FSTL5: variants seen among roughly 807,000 people sequenced by gnomAD.
The protein encoded by FSTL5 is follistatin like 5.
FSTL5 carries 62 observed loss-of-function variants against 89.1 expected under a neutral mutation model. The ratio of observed to expected loss-of-function variants is 0.70; its 90% CI spans 0.57 to 0.86. FSTL5 has a LOEUF of 0.86. FSTL5 is among the 40% of genes least tolerant of loss of function. The pLI is 0.00. For synonymous variants in FSTL5, 383 were observed against 346.2 expected (o/e 1.11, Z -1.18); for missense variants, 1,057 against 1,001.6 (o/e 1.06, Z -0.75).
At chr4:161,648,414 G>C (rs1325097877) in intron 7 of FSTL5, among the ~76,000 whole-genome samples, 6 of 152,066 alleles carry the variant, frequency 3.9e-5, no homozygotes, top group Admixed American at 3.9e-4. Flanking sequence ...CAGCCCCATC[G>C]CACACCCTGT....
At chr4:161,585,184 T>C (rs1733564332) in intron 8 of FSTL5, among the ~76,000 whole-genome samples, 1 of 152,276 alleles carries the variant, frequency 6.6e-6, no homozygotes, top group East Asian at 1.9e-4. Context: ...AAGCCGGCAG[T>C]TTGGCTCAAA....
intron 12 of FSTL5, among the ~76,000 whole-genome samples, chr4:161,489,133 G>A (rs1156978480): frequency 1.3e-5 from 2 of 151,984 alleles, no homozygotes; most frequent in Non-Finnish European, 2.9e-5. Flanking sequence ...ACAACTGTAG[G>A]GTGTTAAATT....
At chr4:161,996,860 T>C (rs911804507) in intron 3 of FSTL5, among the ~76,000 whole-genome samples, 1 of 152,190 alleles carries the variant, frequency 6.6e-6, no homozygotes, top group Non-Finnish European at 1.5e-5. Flanking sequence ...AATTAGAAAA[T>C]ATTTTTAAAG....
intron 8 of FSTL5, among the ~76,000 whole-genome samples, chr4:161,563,088 G>A (rs565392392): frequency 7.9e-5 from 12 of 151,974 alleles, no homozygotes; most frequent in African/African-American, 2.9e-4. Flanking sequence ...ATTCAAAAGT[G>A]GCTTTTCATT....
intron 6 of FSTL5, among the ~76,000 whole-genome samples, chr4:161,683,065 TAGA>T (rs1447960323): frequency 1.3e-5 from 2 of 152,072 alleles, no homozygotes; most frequent in Non-Finnish European, 2.9e-5. Context: ...TTTTAATAAG[TAGA>T]AGAAGTACAC....
chr4:161,490,932 T>TC (rs1729849489), intron 12 of FSTL5, among the ~76,000 whole-genome samples: 1 of 2,684 alleles, frequency 3.7e-4, no homozygotes, highest in Admixed American at 7.4e-3. Context: ...ATTTGTTTTT[T>TC]AAAAAAATCT....
intron 3 of FSTL5, among the ~76,000 whole-genome samples, chr4:162,021,672 A>T (rs1462621507): frequency 2.0e-5 from 3 of 152,156 alleles, no homozygotes; most frequent in African/African-American, 7.2e-5. Context: ...ATCTTAAGGG[A>T]AACAACTTAG....
At chr4:161,780,149 A>G (rs1741608511) in intron 4 of FSTL5, among the ~76,000 whole-genome samples, 1 of 149,414 alleles carries the variant, frequency 6.7e-6, no homozygotes, top group African/African-American at 2.4e-5. Context: ...TTGTATAATT[A>G]TTTAATAATT....
intron 13 of FSTL5, among the ~76,000 whole-genome samples, chr4:161,477,627 A>G (rs4632605): frequency 1 from 151,349 of 151,462 alleles, 75,619 homozygotes; most frequent in Non-Finnish European, 1. Flanking sequence ...TCCATTATTT[A>G]TAATTCAGGT....
chr4:162,111,476 T>C (rs1731441270), intron 1 of FSTL5, 64 bp from the exon 2 acceptor site: 4 of 1,267,836 alleles, frequency 3.2e-6, no homozygotes, highest in Admixed American at 2.2e-5. Flanking sequence ...ACATGTATCA[T>C]GAAATATTTA....
intron 8 of FSTL5, among the ~76,000 whole-genome samples, chr4:161,565,426 G>A (rs554438118): frequency 4.3e-4 from 65 of 151,350 alleles, no homozygotes; most frequent in African/African-American, 1.6e-3. Flanking sequence ...TGTTTTTGAG[G>A]GAAAAAATGC....
At chr4:161,978,861 T>A (rs572194374) in intron 3 of FSTL5, among the ~76,000 whole-genome samples, 1 of 152,162 alleles carries the variant, frequency 6.6e-6, no homozygotes. Flanking sequence ...TATTGCCTCA[T>A]ATCAGGAGAC....
At chr4:161,871,996 A>AT (rs5863493) in intron 4 of FSTL5, among the ~76,000 whole-genome samples, 41 of 146,820 alleles carry the variant, frequency 2.8e-4, no homozygotes, top group African/African-American at 7.9e-4. Flanking sequence ...AATTTTTTTA[A>AT]TTTTTTTTTT....
intron 10 of FSTL5, among the ~76,000 whole-genome samples, chr4:161,533,595 C>A (rs923357877): frequency 1.3e-5 from 2 of 151,838 alleles, no homozygotes; most frequent in African/African-American, 2.4e-5. Context: ...ATGTACCGAC[C>A]AAAAAGAGCC....
At chr4:162,090,606 A>T (rs924459467) in intron 2 of FSTL5, among the ~76,000 whole-genome samples, 1 of 152,064 alleles carries the variant, frequency 6.6e-6, no homozygotes, top group Non-Finnish European at 1.5e-5. Context: ...GGATCACTTG[A>T]GGCCAGGAGT....
chr4:161,521,848 C>CAAAAAAAAAAAAAAAAAAAAAAA (rs11405532), intron 10 of FSTL5, among the ~76,000 whole-genome samples: 1 of 58,178 alleles, frequency 1.7e-5, no homozygotes, highest in African/African-American at 9.4e-5. Context: ...GACTCCACCT[C>CAAAAAAAAAAAAAAAAAAAAAAA]AAAAAAAAAA....
chr4:162,108,128 G>A (rs1006981699), intron 2 of FSTL5, among the ~76,000 whole-genome samples: 2 of 151,962 alleles, frequency 1.3e-5, no homozygotes, highest in Non-Finnish European at 2.9e-5. Flanking sequence ...GTAAACACAT[G>A]GGATAAAACA....
In FSTL5 at chr4:161,385,144, C is replaced by A. The variant is rs1350996435; in HGVS notation, c.*603G>T. On this transcript the variant is annotated 3_prime_UTR_variant, in exon 16 of 16. Coordinates refer to ENST00000306100, the MANE Select transcript of FSTL5 (RefSeq NM_020116.5). ...CAACTTATGCCTTCAATTGGTAGTT[C>A]ATTGAGGGTTAAACAAAAGACTGAA... 1 of 152,688 alleles carries A rather than the reference C, an allele frequency of 6.5e-6. No individual in the cohort carries two copies. The highest frequency in any genetic ancestry group is 1.5e-5 in the Non-Finnish European group (1 of 68,190). The allele number at this position is 152,688 out of a possible 1,614,324, so 9.5% of individuals were successfully genotyped here.
chr4:161,639,226 A>T (rs1431276723), intron 7 of FSTL5, among the ~76,000 whole-genome samples: 2 of 152,130 alleles, frequency 1.3e-5, no homozygotes, highest in Admixed American at 6.5e-5. Flanking sequence ...CTTCCAATCT[A>T]GGTACTGTTA....
Sources: allele counts gnomAD v4.1 joint callset (sites outside exome capture counted in the v4.1 genomes callset), GRCh38; gene constraint gnomAD v4.1.1; transcripts MANE v1.5; gene names NCBI Gene and HGNC (gene_info 2026-07-23, HGNC 2026-07-21).